Variants in RIF1 observed in about 807,000 individuals in gnomAD.
RIF1 encodes the protein telomere-associated protein RIF1.
RIF1 carries 45 observed loss-of-function variants against 247.1 expected under a neutral mutation model. The observed-to-expected ratio is 0.18, with a 90% CI of 0.14 to 0.23. The LOEUF (loss-of-function observed/expected upper bound fraction) is 0.23, where lower values mean the gene tolerates loss of function less well. Ranked by LOEUF, RIF1 falls within the 10% of genes least tolerant of loss-of-function variation. The pLI is 1.00. For missense variants in RIF1, 2,967 were observed against 2,862.5 expected (o/e 1.04, Z -0.83); for synonymous variants, 1,087 against 978.8 (o/e 1.11, Z -2.06).
the RIF1 span, chr2:151,525,038 G>A: frequency 2.0e-4 from 153 of 750,100 alleles, 2 homozygotes; most frequent in African/African-American, 1.8e-3. Flanking sequence ...ACCAATTCTC[G>A]CCACTAACTT....
In RIF1 at chr2:151,416,828, T is replaced by G. The variant is rs760267918; in HGVS notation, c.430T>G (p.Leu144Val). 6 of 1,612,076 alleles carry G rather than the reference T, an allele frequency of 3.7e-6. No homozygotes were observed. In the South Asian group the frequency reaches 6.6e-5, roughly 18 times the overall value. ...GKMVSSIIDS[L>V]EILFNKGETH... The stretch of plus-strand genomic sequence containing the variant: ...TTAGGTATCCAGTATAATTGATTCA[T>G]TAGAAATACTGTTTAACAAAGGAGA... The change falls in exon 6 of 36, where the codon TTA (leucine) becomes GTA (valine). Residue 144 changes from leucine to valine, a missense_variant. Leu to Val is a conservative substitution (Grantham distance 32). Around this residue, in one of 7 missense-constraint regions of RIF1, gnomAD observed 269 missense variants for 288.6 expected, o/e 0.93. Transcript: ENST00000444746.
downstream of RIF1, among the ~76,000 whole-genome samples, chr2:151,483,682 G>A (rs2049283422): frequency 6.6e-6 from 1 of 152,066 alleles, no homozygotes; most frequent in Non-Finnish European, 1.5e-5. Flanking sequence ...TTAAATCAGG[G>A]TTCCCCAACC....
the RIF1 span, chr2:151,514,988 C>A: frequency 9.3e-7 from 1 of 1,070,000 alleles, no homozygotes; most frequent in Non-Finnish European, 1.4e-6. Flanking sequence ...ATATATCTCT[C>A]CATCTCAGGA....
intron 9 of RIF1, among the ~76,000 whole-genome samples, chr2:151,487,802 A>G (rs1182300867): frequency 6.6e-6 from 1 of 152,170 alleles, no homozygotes; most frequent in African/African-American, 2.4e-5. Flanking sequence ...TTACAAATAG[A>G]GATGGGGTTT....
chr2:151,463,220 C>A lies in RIF1; in HGVS notation c.3700C>A (p.Pro1234Thr), dbSNP rs138317449. 2.5e-6 allele frequency: 4 copies of A among 1,613,930 alleles called. No homozygotes were observed. The African/African-American group carries it at 5.3e-5, about 22-fold the overall frequency. ...LEKFDGSENR[P>T]FSPSPLNNIS... ...GAAGTTTGATGGTTCAGAAAATAGA[C>A]CTTTTAGTCCATCCCCCTTGAATAA... Residue 1234 changes from proline to threonine, a missense_variant, in exon 30 of 36, where the codon CCT (proline) becomes ACT (threonine). Pro to Thr is a conservative substitution (Grantham distance 38). Transcript: ENST00000444746.
chr2:151,491,601 CTTCAGAG>C (rs1360908295), intron 9 of RIF1: 59 of 1,205,756 alleles, frequency 4.9e-5, no homozygotes, highest in Non-Finnish European at 6.3e-5. Flanking sequence ...AGGGAAGGAA[CTTCAGAG>C]CCCAAATGAA....
At chr2:151,469,891 G>T in intron 34 of RIF1, 27 bp downstream of exon 34, 1 of 1,525,860 alleles carries the variant, frequency 6.6e-7, no homozygotes, top group Admixed American at 1.9e-5. Context: ...TAGCTATGAT[G>T]TATATTAATA....
chr2:151,505,017 A>C (rs2067675375), intron 12 of RIF1, among the ~76,000 whole-genome samples: 1 of 152,130 alleles, frequency 6.6e-6, no homozygotes, highest in African/African-American at 2.4e-5. Flanking sequence ...GTCTTTTTGG[A>C]CACTGGGAAT....
chr2:151,446,375 TGATA>T (rs765076940), intron 19 of RIF1, 47 bp from the exon 20 acceptor site: 23 of 1,486,196 alleles, frequency 1.5e-5, no homozygotes, highest in African/African-American at 7.0e-5. Flanking sequence ...CTATAAACTT[TGATA>T]GATAGGTATA....
downstream of RIF1, among the ~76,000 whole-genome samples, chr2:151,510,710 C>T (rs1034850119): frequency 2.6e-5 from 4 of 152,118 alleles, no homozygotes; most frequent in African/African-American, 9.7e-5. Context: ...TAAGCTTTGT[C>T]ATAGGTGTAT....
chr2:151,424,770 AC>A (rs1688719226), intron 8 of RIF1, among the ~76,000 whole-genome samples: 1 of 146,244 alleles, frequency 6.8e-6, no homozygotes, highest in African/African-American at 2.6e-5. Flanking sequence ...CCAGTCTCAA[AC>A]CATCCTTCCA....
chr2:151,464,835 G>T lies in RIF1; in HGVS notation c.5315G>T (p.Ser1772Ile). The T allele has an allele frequency of 6.2e-7, 1 of 1,611,296 alleles. No homozygotes were observed. The highest frequency in any genetic ancestry group is 8.5e-7 in the Non-Finnish European group (1 of 1,179,376). The stretch of plus-strand genomic sequence containing the variant: ...AAGGCAGATGTGCAAGCACCTGTAA[G>T]CCCATCAGAAACTTCTCAAGCTAAT... ...TKKADVQAPVSPSETSQANPY... is the reference protein window; with the variant it reads ...TKKADVQAPVIPSETSQANPY... The change falls in exon 30 of 36, where the codon AGC (serine) becomes ATC (isoleucine). Residue 1772 changes from serine (S) to isoleucine (I), a missense_variant. By Grantham distance (142) the Ser-to-Ile change is moderately radical (BLOSUM62 -2). Coordinates refer to ENST00000444746, the MANE Select transcript of RIF1 (RefSeq NM_018151.5).
the RIF1 span, among the ~76,000 whole-genome samples, chr2:151,531,308 CTTTTTTTTT>C: frequency 5.2e-4 from 44 of 84,032 alleles, no homozygotes; most frequent in East Asian, 1.5e-3. Context: ...TTTTTTCTTT[CTTTTTTTTT>C]TTTTTTTTTT....
intron 27 of RIF1, 102 bp downstream of exon 27, chr2:151,461,391 ATT>A (rs374480238): frequency 0.027 from 20,106 of 748,098 alleles, no homozygotes; most frequent in East Asian, 0.037. Flanking sequence ...ATGTGTACTA[ATT>A]TTTTTTTTTT....
chr2:151,524,358 G>A, the RIF1 span: 227 of 1,613,718 alleles, frequency 1.4e-4, 1 homozygote, highest in African/African-American at 2.8e-4. Flanking sequence ...ATGTCTGGGC[G>A]ACCGAGCATG....
At chr2:151,527,404 G>T in the RIF1 span, 13 of 1,127,762 alleles carry the variant, frequency 1.2e-5, no homozygotes, top group Non-Finnish European at 1.4e-5. Flanking sequence ...CATGATAGTG[G>T]TTATTATAAA....
chr2:151,466,787 G>C (rs191117247), intron 30 of RIF1, among the ~76,000 whole-genome samples: 22 of 152,340 alleles, frequency 1.4e-4, no homozygotes, highest in African/African-American at 5.1e-4. Context: ...TAACAAAATA[G>C]ATATCCTGAA....
downstream of RIF1, among the ~76,000 whole-genome samples, chr2:151,508,778 A>G (rs761959529): frequency 2.0e-5 from 3 of 152,224 alleles, no homozygotes; most frequent in Non-Finnish European, 4.4e-5. Flanking sequence ...ACCAGACATC[A>G]CTATTCCTTG....
chr2:151,446,673 T>G, intron 20 of RIF1, 98 bp downstream of exon 20: 2 of 1,165,496 alleles, frequency 1.7e-6, no homozygotes, highest in Non-Finnish European at 2.5e-6. Flanking sequence ...TATTACTGCC[T>G]CTATTTATAT....
Sources: allele counts gnomAD v4.1 joint callset (sites outside exome capture counted in the v4.1 genomes callset), GRCh38; gene constraint gnomAD v4.1.1; regional missense constraint gnomAD v4.1.1; transcripts MANE v1.5; gene names NCBI Gene and HGNC (gene_info 2026-07-23, HGNC 2026-07-21).